FUT5: variants seen among roughly 807,000 people sequenced by gnomAD.
FUT5 encodes the protein fucosyltransferase 5.
A neutral mutation model predicts 0.8 loss-of-function variants in FUT5; 1 was observed. The observed-to-expected ratio is 1.26, with a 90% confidence interval of 0.45 to 5.99. The LOEUF (loss-of-function observed/expected upper bound fraction) is 5.99, where lower values mean the gene tolerates loss of function less well. FUT5 is among the 30% of genes most tolerant of loss of function. The pLI is 0.15. For missense variants in FUT5, 437 were observed against 517.8 expected (o/e 0.84, Z 1.51); for synonymous variants, 212 against 225.7 (o/e 0.94, Z 0.54).
rs1429466683 is a variant in FUT5 at position 5,867,773 on chromosome 19, G to A, written c.-12-36C>T. On this transcript the variant is annotated intron_variant, in intron 1 of 1. Transcript: ENST00000588525. The surrounding 1 kb of genome is among the most constrained non-coding windows in gnomAD (Gnocchi z 5.0). The stretch of plus-strand genomic sequence containing the variant: ...AGGAGAGAGGAGTGAGGGTCATTAA[G>A]GAAGATCACCCACTTCCTGGCCACG... 1 of 1,602,050 alleles carries A rather than the reference G, an allele frequency of 6.2e-7. No individual in the cohort carries two copies. The highest frequency in any genetic ancestry group is 8.5e-7 in the Non-Finnish European group (1 of 1,170,206).
rs2057506437 is a variant in FUT5, at chr19:5,867,044, C to A, written c.682G>T (p.Ala228Ser). The A allele has an allele frequency of 6.2e-7, 1 of 1,613,432 alleles. No homozygotes were observed. The highest frequency in any genetic ancestry group is 1.3e-5 in the African/African-American group (1 of 74,856). ...CCGTACACGTCCACCTTGAGATGAG[C>A]CTGCAGGCTCTGGTAGTAGCGCACC... ...ARVRYYQSLQ[A>S]HLKVDVYGRS... The change falls in exon 2 of 2, where the codon GCT (alanine) becomes TCT (serine). Residue 228 changes from alanine to serine, a missense_variant. Ala to Ser is a moderately conservative substitution (Grantham distance 99, BLOSUM62 1). Around this residue, in one of 2 missense-constraint regions of FUT5, gnomAD observed 176 missense variants for 275.2 expected, o/e 0.64. Coordinates refer to ENST00000588525, the MANE Select transcript of FUT5 (RefSeq NM_002034.2). The surrounding 1 kb of genome is among the most constrained non-coding windows in gnomAD (Gnocchi z 5.0).
rs920220944 is a variant in FUT5, at chr19:5,867,956, G to A, written c.-12-219C>T. On this transcript the variant is annotated intron_variant, in intron 1 of 1. Transcript: ENST00000588525. This position sits in a 1 kb window ranked among gnomAD's most constrained non-coding sequence, Gnocchi z 5.0. ...GAGTTCTCCAGATAAGGTAGGAGTT[G>A]AGGGAAAGGGTGTCCGTTGGATGAG... 2.0e-5 allele frequency among the ~76,000 whole-genome samples: 3 copies of A among 152,214 alleles called. No individual in the cohort carries two copies. The highest frequency in any genetic ancestry group is 4.4e-5 in the Non-Finnish European group (3 of 68,046).
Position 5,867,058 on chromosome 19 carries a change from T to A in FUT5, c.668A>T (p.Tyr223Phe). Residue 223 changes from tyrosine (Y) to phenylalanine (F), a missense_variant, in exon 2 of 2, where the codon TAC (tyrosine) becomes TTC (phenylalanine). Coordinates refer to ENST00000588525, the MANE Select transcript of FUT5 (RefSeq NM_002034.2). This position sits in a 1 kb window ranked among gnomAD's most constrained non-coding sequence, Gnocchi z 5.0. Reference sequence around the variant, plus strand: ...CTTGAGATGAGCCTGCAGGCTCTGGTAGTAGCGCACCCTGGCCGAGTCCGG... The same window carrying A: ...CTTGAGATGAGCCTGCAGGCTCTGGAAGTAGCGCACCCTGGCCGAGTCCGG... The part of the protein sequence containing the change: ...WKPDSARVRY[Y>F]QSLQAHLKVD... The A allele has an allele frequency of 6.2e-7, 1 of 1,613,098 alleles. No homozygotes were observed. Among genetic ancestry groups the A allele is most frequent in the Non-Finnish European group, 8.5e-7 (1 of 1,179,730 alleles).
chr19:5,868,158 G>A (rs976825081), intron 1 of FUT5, among the ~76,000 whole-genome samples: 1 of 152,160 alleles, frequency 6.6e-6, no homozygotes, highest in Non-Finnish European at 1.5e-5. Context: ...CCGTCCTGGG[G>A]GAGAGGCTGA....
intron 1 of FUT5, among the ~76,000 whole-genome samples, chr19:5,868,981 C>T (rs2057514635): frequency 6.6e-6 from 1 of 151,876 alleles, no homozygotes; most frequent in African/African-American, 2.4e-5. Flanking sequence ...CCACCATGCC[C>T]AGCTAATTTT....
In FUT5 at chr19:5,867,180, G is replaced by A. The variant is rs10412834; in HGVS notation, c.546C>T (p.Tyr182=). The change falls in exon 2 of 2, where the codon TAC becomes TAT. Residue 182 remains tyrosine, a synonymous_variant. Transcript: ENST00000588525. This position sits in a 1 kb window ranked among gnomAD's most constrained non-coding sequence, Gnocchi z 5.0. ...YRSDSDIFTP[Y]GWLEPWSGQP... is the part of the protein sequence containing the mutation. ...GGCCGGACCACGGCTCCAGCCAGCC[G>A]TAGGGCGTGAAGATGTCGGAGTCGC... 0.14 allele frequency: 226,066 copies of A among 1,612,556 alleles called. 16,629 individuals carry two copies. Among genetic ancestry groups the A allele is most frequent in the Middle Eastern group, 0.17 (1,009 of 6,056 alleles).
In FUT5 at chr19:5,866,889, C is replaced by A. The variant is rs751501795; in HGVS notation, c.837G>T (p.Glu279Asp). The change falls in exon 2 of 2, where the codon GAG becomes GAT. Residue 279 changes from glutamate (E) to aspartate (D), a missense_variant. Physicochemically the swap from Glu to Asp is conservative, Grantham distance 45 (BLOSUM62 2). Transcript: ENST00000588525. This position sits in a 1 kb window ranked among gnomAD's most constrained non-coding sequence, Gnocchi z 4.9. ...ITEKLWRNAL[E>D]AWAVPVVLGP... ...CCAGCACCACGGGCACGGCCCAGGC[C>A]TCCAGGGCGTTCCTCCACAGCTTCT... The A allele has an allele frequency of 4.8e-5, 77 of 1,611,688 alleles. No homozygotes were observed. The highest frequency in any genetic ancestry group is 6.4e-5 in the Non-Finnish European group (76 of 1,179,388).
rs776214188 is a variant in FUT5 at position 5,867,334 on chromosome 19, C to G, written c.392G>C (p.Ser131Thr). The change falls in exon 2 of 2, where the codon AGT becomes ACT. Residue 131 changes from serine to threonine, a missense_variant. Physicochemically the swap from Ser to Thr is moderately conservative, Grantham distance 58 (BLOSUM62 1). Coordinates refer to ENST00000588525, the MANE Select transcript of FUT5 (RefSeq NM_002034.2). The surrounding 1 kb of genome is among the most constrained non-coding windows in gnomAD (Gnocchi z 5.0). ...VHHWDIMYNP[S>T]ANLPPPTRPQ... ...CCTGGTGGGGGGCGGGAGGTTGGCA[C>G]TGGGGTTGTACATGATATCCCAGTG... The G allele has an allele frequency of 6.2e-7, 1 of 1,613,828 alleles. No homozygotes were observed. Among genetic ancestry groups the G allele is most frequent in the Non-Finnish European group, 8.5e-7 (1 of 1,180,030 alleles).
intron 1 of FUT5, among the ~76,000 whole-genome samples, chr19:5,869,408 GC>G: frequency 6.6e-6 from 1 of 150,662 alleles, no homozygotes; most frequent in South Asian, 2.1e-4. Context: ...GTACCACCAT[GC>G]CCGGCTAATT....
intron 1 of FUT5, among the ~76,000 whole-genome samples, chr19:5,868,953 T>A (rs1445109516): frequency 1.3e-5 from 2 of 152,072 alleles, no homozygotes; most frequent in Non-Finnish European, 2.9e-5. Context: ...CCAGAAGAGC[T>A]GGGATTACAG....
At position 5,865,896 on chromosome 19, in the gene FUT5, A is replaced by C. The variant is rs149068544; in HGVS notation, c.*705T>G. ...TAACAACAGCAATAAAACCACAAGC[A>C]AACCAGCCTGCACCATCGCCCGGGG... On this transcript the variant is annotated 3_prime_UTR_variant, in exon 2 of 2. Transcript: ENST00000588525. 0.011 allele frequency: 1,803 copies of C among 160,058 alleles called. 9 individuals are homozygous for C. Among genetic ancestry groups the C allele is most frequent in the Non-Finnish European group, 0.017 (1,218 of 72,128 alleles). The allele number at this position is 160,058 out of a possible 1,614,324, so 9.9% of individuals were successfully genotyped here. A position where few individuals can be genotyped will look rare whatever the true frequency, so the allele number is the denominator to read the frequency against.
intron 1 of FUT5, among the ~76,000 whole-genome samples, chr19:5,868,369 A>G (rs1328277222): frequency 1.3e-5 from 2 of 152,100 alleles, no homozygotes; most frequent in Non-Finnish European, 2.9e-5. Context: ...GAGTGTAGGC[A>G]CTGGGTCTGG....
rs1454727094 is a variant in FUT5 at position 5,866,940 on chromosome 19, G to T, written c.786C>A (p.Asn262Lys). 6.2e-7 allele frequency: 1 copy of T among 1,613,368 alleles called. No individual in the cohort carries two copies. Among genetic ancestry groups the T allele is most frequent in the East Asian group, 2.2e-5 (1 of 44,876 alleles). The change falls in exon 2 of 2, where the codon AAC (asparagine) becomes AAA (lysine). Residue 262 changes from asparagine (N) to lysine (K), a missense_variant. Physicochemically the swap from Asn to Lys is moderately conservative, Grantham distance 94. Coordinates refer to ENST00000588525, the MANE Select transcript of FUT5 (RefSeq NM_002034.2). The surrounding 1 kb of genome is among the most constrained non-coding windows in gnomAD (Gnocchi z 4.9). ...CGGTGATGTAGTCGGGGTGCAAGGA[G>T]TTCTCGAAGGCCAGATAGAACTTGT... is the stretch of plus-strand genomic sequence containing the variant. ...SRYKFYLAFE[N>K]SLHPDYITEK...
At position 5,870,503 on chromosome 19, in the gene FUT5, C is replaced by T. The variant is rs2057519250; in HGVS notation, c.-51G>A. ...TCCACACAATGGAATATCACTCAGC[C>T]ATGAAAAGGCTGGGCGAGGTGGCTC... On this transcript the variant is annotated 5_prime_UTR_variant, in exon 1 of 2. It removes an upstream start codon present in the reference 5' UTR. Coordinates refer to ENST00000588525, the MANE Select transcript of FUT5 (RefSeq NM_002034.2). 6.6e-6 allele frequency: 1 copy of T among 152,266 alleles called. No individual in the cohort carries two copies. The highest frequency in any genetic ancestry group is 2.4e-5 in the African/African-American group (1 of 41,528). 9.4% of individuals were successfully genotyped at this position (152,266 alleles called of 1,614,324 possible). A position where few individuals can be genotyped will look rare whatever the true frequency, so the allele number is the denominator to read the frequency against.
intron 1 of FUT5, among the ~76,000 whole-genome samples, chr19:5,869,535 G>A (rs2057516545): frequency 6.6e-6 from 1 of 152,056 alleles, no homozygotes. Flanking sequence ...ACAGGTGTGA[G>A]CCACCACACC....
Position 5,867,375 on chromosome 19 carries a change from G to C in FUT5, c.351C>G (p.Asp117Glu). 2 of 1,613,960 alleles carry C rather than the reference G, an allele frequency of 1.2e-6. No individual in the cohort carries two copies. The highest frequency in any genetic ancestry group is 1.7e-6 in the Non-Finnish European group (2 of 1,180,030). The change falls in exon 2 of 2, where the codon GAC becomes GAG. Residue 117 changes from aspartate to glutamate, a missense_variant. Coordinates refer to ENST00000588525, the MANE Select transcript of FUT5 (RefSeq NM_002034.2). The surrounding 1 kb of genome is among the most constrained non-coding windows in gnomAD (Gnocchi z 5.0). The part of the protein sequence containing the change: ...TADSSVYPQA[D>E]AVIVHHWDIM... The stretch of plus-strand genomic sequence containing the variant: ...TATCCCAGTGGTGCACGATGACCGC[G>C]TCTGCCTGTGGGTACACACTGGAGT...
chr19:5,869,803 C>T (rs975616002), intron 1 of FUT5, among the ~76,000 whole-genome samples: 12 of 151,838 alleles, frequency 7.9e-5, no homozygotes, highest in African/African-American at 2.4e-4. Flanking sequence ...TTAAATTGGC[C>T]GGATGTGGTG....
In FUT5 at chr19:5,867,393, A is replaced by C. The variant is rs780013169; in HGVS notation, c.333T>G (p.Ser111Arg). 8.1e-6 allele frequency: 13 copies of C among 1,613,860 alleles called. No individual in the cohort carries two copies. Among genetic ancestry groups the C allele is most frequent in the Middle Eastern group, 1.6e-4 (1 of 6,062 alleles). ...AADCNITADS[S>R]VYPQADAVIV... ...TGACCGCGTCTGCCTGTGGGTACAC[A>C]CTGGAGTCGGCAGTGATGTTGCAGT... The change falls in exon 2 of 2, where the codon AGT (serine) becomes AGG (arginine). Residue 111 changes from serine (S) to arginine (R), a missense_variant. This residue lies in a region of FUT5 where 261 missense variants were observed against 242.6 expected (regional missense o/e 1.08). Coordinates refer to ENST00000588525, the MANE Select transcript of FUT5 (RefSeq NM_002034.2). The surrounding 1 kb of genome is among the most constrained non-coding windows in gnomAD (Gnocchi z 5.0).
In FUT5 at chr19:5,866,249, G is replaced by T; in HGVS notation, c.*352C>A. On this transcript the variant is annotated 3_prime_UTR_variant, in exon 2 of 2. Transcript: ENST00000588525. This position sits in a 1 kb window ranked among gnomAD's most constrained non-coding sequence, Gnocchi z 4.9. ...TAGCAGGTGACATTCAGTGTGGCAA[G>T]GTCTCTGGGAGCAGGTCCCAGCAGG... 1 of 429,410 alleles carries T rather than the reference G, an allele frequency of 2.3e-6. No homozygotes were observed. 26.6% of individuals were successfully genotyped at this position (429,410 alleles called of 1,614,324 possible).
Sources: allele counts gnomAD v4.1 joint callset (sites outside exome capture counted in the v4.1 genomes callset), GRCh38; gene constraint gnomAD v4.1.1; regional missense constraint gnomAD v4.1.1; non-coding constraint Gnocchi (gnomAD v3.1); transcripts MANE v1.5; gene names NCBI Gene and HGNC (gene_info 2026-07-23, HGNC 2026-07-21).